Variants in ANKRD31 observed in about 807,000 individuals in gnomAD.
ANKRD31 encodes the protein ankyrin repeat domain-containing protein 31.
A neutral mutation model predicts 186.0 loss-of-function variants in ANKRD31; 147 were observed. The observed-to-expected ratio is 0.79, with a 90% confidence interval of 0.69 to 0.91. The LOEUF (loss-of-function observed/expected upper bound fraction) is 0.91, where lower values mean the gene tolerates loss of function less well. Among genes scored for constraint, ANKRD31 ranks in the 40% least tolerant of loss-of-function variants. The probability of loss-of-function intolerance (pLI) is 0.00; values close to 1 mark genes in which losing one functional copy is unlikely to be tolerated. For missense variants in ANKRD31, 1,986 were observed against 2,148.8 expected, an observed-to-expected ratio of 0.92 and a Z score of 1.50; for synonymous variants, 673 against 736.4, an observed-to-expected ratio of 0.91 and a Z score of 1.39.
intron 4 of ANKRD31, 54 bp downstream of exon 4, chr5:75,210,774 G>C: frequency 7.8e-7 from 1 of 1,279,452 alleles, no homozygotes; most frequent in South Asian, 1.5e-5. Flanking sequence ...TCTTAGATGT[G>C]CAAAATGACA....
chr5:75,117,967 C>A (rs1283442190), intron 18 of ANKRD31, among the ~76,000 whole-genome samples, 168 bp downstream of exon 18: 1 of 152,012 alleles, frequency 6.6e-6, no homozygotes, highest in African/African-American at 2.4e-5. Flanking sequence ...ATAAATTAAA[C>A]CAAATTGTAA....
Position 75,162,324 on chromosome 5 carries a change from C to A in ANKRD31, c.1707+6655G>T, listed in dbSNP as rs1252916419. ...TTTTGGAGCCTTAAGATTTGACTGCCCCGCTGGATTTCGGACTTGCATAGG... is the reference window on the plus strand; with the variant it reads ...TTTTGGAGCCTTAAGATTTGACTGCACCGCTGGATTTCGGACTTGCATAGG... On this transcript the variant is annotated intron_variant, in intron 11 of 25. Transcript: ENST00000506364. Among the ~76,000 whole-genome samples the A allele has an allele frequency of 3.3e-5, 5 of 152,160 alleles. No homozygotes were observed. In the East Asian group the frequency reaches 9.6e-4, roughly 29 times the overall value.
chr5:75,144,197 GTGT>G (rs1390393097), intron 14 of ANKRD31, 26 bp from the exon 15 acceptor site: 1 of 396,232 alleles, frequency 2.5e-6, no homozygotes, highest in Non-Finnish European at 4.5e-6. Context: ...TACAATATCA[GTGT>G]TGTTGTTCTC....
chr5:75,212,157 T>C (rs959243599), intron 3 of ANKRD31, among the ~76,000 whole-genome samples: 1 of 152,186 alleles, frequency 6.6e-6, no homozygotes, highest in Admixed American at 6.5e-5. Flanking sequence ...CACAAAAAAG[T>C]AGAACTTAAG....
At position 75,170,952 on chromosome 5, in the gene ANKRD31, C is replaced by T. The variant is rs117771874; in HGVS notation, c.1565-1831G>A. Among the ~76,000 whole-genome samples the T allele has an allele frequency of 2.1e-3, 324 of 151,994 alleles. 1 individual carries two copies. Among genetic ancestry groups the T allele is most frequent in the East Asian group, 4.8e-3 (25 of 5,180 alleles). ...ACATGACAATCATAACGTTATGTAT[C>T]TAATAACAGAGCTTCAAAATATAAG... On this transcript the variant is annotated intron_variant, in intron 10 of 25. Transcript: ENST00000506364.
chr5:75,222,964 T>C (rs1016797805), intron 2 of ANKRD31, among the ~76,000 whole-genome samples: 21 of 152,234 alleles, frequency 1.4e-4, no homozygotes, highest in Admixed American at 1.2e-3. Context: ...TACCCAGTAA[T>C]GGGATTGCTG....
chr5:75,113,262 A>C (rs1455758883), intron 19 of ANKRD31, among the ~76,000 whole-genome samples: 4 of 152,212 alleles, frequency 2.6e-5, no homozygotes, highest in African/African-American at 9.7e-5. Context: ...TGAATTCTAT[A>C]ACACATGAAA....
At chr5:75,191,414 A>C (rs1755100130) in intron 9 of ANKRD31, among the ~76,000 whole-genome samples, 1 of 152,018 alleles carries the variant, frequency 6.6e-6, no homozygotes, top group South Asian at 2.1e-4. Context: ...ATATGCTCTC[A>C]TACTATGGAG....
chr5:75,194,522 C>A (rs992813703), intron 7 of ANKRD31, among the ~76,000 whole-genome samples: 4 of 152,010 alleles, frequency 2.6e-5, no homozygotes, highest in African/African-American at 9.7e-5. Context: ...TGCTGCAACA[C>A]GAGCTCAGCA....
intron 5 of ANKRD31, 33 bp from the exon 6 acceptor site, chr5:75,199,707 T>A (rs1318872189): frequency 1.1e-5 from 17 of 1,517,598 alleles, no homozygotes; most frequent in Non-Finnish European, 1.4e-5. Context: ...CATTCCAGTT[T>A]TATGGAAGCA....
intron 20 of ANKRD31, among the ~76,000 whole-genome samples, chr5:75,111,622 A>G (rs930442941): frequency 1.3e-5 from 2 of 152,194 alleles, no homozygotes; most frequent in Non-Finnish European, 2.9e-5. Flanking sequence ...TTTAGCTACT[A>G]CTTTTAACTA....
intron 3 of ANKRD31, among the ~76,000 whole-genome samples, chr5:75,220,242 T>G (rs2150304659): frequency 6.6e-6 from 1 of 152,198 alleles, no homozygotes. Context: ...AGGCAACCTA[T>G]GGAATGGGAG....
chr5:75,102,636 C>T lies in ANKRD31; in HGVS notation c.5331+1592G>A, dbSNP rs997086685. ...CTTCTCAAGCCTCAGCAATGGCGGA[C>T]GCCACTCCCTCAGCCTTACTGCTGC... On this transcript the variant is annotated intron_variant, in intron 22 of 25. Coordinates refer to ENST00000506364, the MANE Select transcript of ANKRD31 (RefSeq NM_001372053.1). 7.2e-5 allele frequency among the ~76,000 whole-genome samples: 11 copies of T among 152,192 alleles called. No homozygotes were observed. In the East Asian group the frequency reaches 9.6e-4, roughly 13 times the overall value.
intron 20 of ANKRD31, among the ~76,000 whole-genome samples, chr5:75,111,784 C>T (rs1041444286): frequency 1.3e-5 from 2 of 152,102 alleles, no homozygotes; most frequent in Admixed American, 1.3e-4. Flanking sequence ...GTCTAATTTG[C>T]TATTTTGAAT....
intron 25 of ANKRD31, among the ~76,000 whole-genome samples, chr5:75,075,205 G>A (rs889136646): frequency 6.6e-6 from 1 of 152,186 alleles, no homozygotes; most frequent in Non-Finnish European, 1.5e-5. Flanking sequence ...ATCCTGGGAT[G>A]TTTCCTTCTG....
chr5:75,173,702 A>C (rs2150199134), intron 10 of ANKRD31, among the ~76,000 whole-genome samples: 1 of 152,332 alleles, frequency 6.6e-6, no homozygotes, highest in East Asian at 1.9e-4. Flanking sequence ...TTCAAGGAGA[A>C]CTATAAACCA....
At chr5:75,206,831 A>G (rs1459793992) in intron 4 of ANKRD31, among the ~76,000 whole-genome samples, 3 of 152,166 alleles carry the variant, frequency 2.0e-5, no homozygotes, top group Non-Finnish European at 4.4e-5. Context: ...TAGTTTTTCT[A>G]TCTACATCAT....
intron 11 of ANKRD31, among the ~76,000 whole-genome samples, chr5:75,164,305 A>G (rs534105750): frequency 6.6e-6 from 1 of 152,298 alleles, no homozygotes; most frequent in African/African-American, 2.4e-5. Context: ...CAACTCACCT[A>G]TGCCACTCTG....
In ANKRD31 at chr5:75,236,566, G is replaced by A. The variant is rs1293638076; in HGVS notation, c.104+17C>T. ...CTGGCGCGAGGGTTCAGGCACTGTG[G>A]CCCTAATGATGGTCACCTTCTCCAG... On this transcript the variant is annotated intron_variant, in intron 1 of 25. Transcript: ENST00000506364. The A allele has an allele frequency of 6.5e-7, 1 of 1,534,752 alleles. No homozygotes were observed. The highest frequency in any genetic ancestry group is 2.0e-5 in the Admixed American group (1 of 50,832).
Sources: allele counts gnomAD v4.1 joint callset (sites outside exome capture counted in the v4.1 genomes callset), GRCh38; gene constraint gnomAD v4.1.1; transcripts MANE v1.5; gene names NCBI Gene and HGNC (gene_info 2026-07-23, HGNC 2026-07-21).